CCNT1: variants seen among roughly 807,000 people sequenced by gnomAD.
CCNT1 encodes cyclin-T1.
A neutral mutation model predicts 67.3 loss-of-function variants in CCNT1; 18 were observed. The ratio of observed to expected loss-of-function variants is 0.27; its 90% CI spans 0.18 to 0.40. The LOEUF is 0.40. Ranked by LOEUF, CCNT1 falls within the 10% of genes least tolerant of loss-of-function variation. The probability of loss-of-function intolerance (pLI) is 1.00; values close to 1 mark genes in which losing one functional copy is unlikely to be tolerated. For missense variants in CCNT1, 744 were observed against 884.9 expected, an observed-to-expected ratio of 0.84 and a Z score of 2.02; for synonymous variants, 333 against 310.3, an observed-to-expected ratio of 1.07 and a Z score of -0.77.
At chr12:48,704,851 T>C (rs916953788) in intron 3 of CCNT1, among the ~76,000 whole-genome samples, 9 of 152,140 alleles carry the variant, frequency 5.9e-5, no homozygotes, top group African/African-American at 2.2e-4. Flanking sequence ...TTCTACGTTA[T>C]GGTGAGTTAC....
intron 2 of CCNT1, among the ~76,000 whole-genome samples, chr12:48,712,871 C>T (rs1393379411): frequency 2.6e-5 from 4 of 151,474 alleles, no homozygotes; most frequent in East Asian, 3.9e-4. Context: ...ATCTGCGAGG[C>T]GGAGGTTGCA....
intron 2 of CCNT1, among the ~76,000 whole-genome samples, chr12:48,707,150 G>A (rs1240061428): frequency 6.6e-6 from 1 of 152,020 alleles, no homozygotes; most frequent in Non-Finnish European, 1.5e-5. Context: ...CAGACTTTAG[G>A]ATAAACAAAA....
intron 2 of CCNT1, among the ~76,000 whole-genome samples, chr12:48,712,613 A>AAAAAAAAAC: frequency 8.5e-6 from 1 of 118,060 alleles, no homozygotes; most frequent in Non-Finnish European, 1.8e-5. Flanking sequence ...AAAAAAAAAA[A>AAAAAAAAAC]AAAAAGCAGG....
intron 6 of CCNT1, among the ~76,000 whole-genome samples, 168 bp from the exon 7 acceptor site, chr12:48,696,330 A>G (rs1258126663): frequency 6.6e-6 from 1 of 151,614 alleles, no homozygotes; most frequent in East Asian, 1.9e-4. Context: ...TCTAGCACTC[A>G]ATATAATTTC....
chr12:48,694,037 G>C lies in CCNT1; in HGVS notation c.1177C>G (p.Arg393Gly). The C allele has an allele frequency of 6.2e-7, 1 of 1,614,076 alleles. No homozygotes were observed. Among genetic ancestry groups the C allele is most frequent in the Non-Finnish European group, 8.5e-7 (1 of 1,180,010 alleles). The change falls in exon 9 of 9, where the codon CGC becomes GGC. Residue 393 changes from arginine to glycine, a missense_variant. This residue lies in a region of CCNT1 where 564 missense variants were observed against 574.2 expected (regional missense o/e 0.98). Coordinates refer to ENST00000261900, the MANE Select transcript of CCNT1 (RefSeq NM_001240.4). ...GCCAATTCTTCTGCATGCTTCGCGC[G>C]GTATTCTTTCAGTGACACTTTAGCT... ...PSAKVSLKEY[R>G]AKHAEELAAQ...
chr12:48,708,998 GC>G (rs1940407738), intron 2 of CCNT1, among the ~76,000 whole-genome samples: 1 of 152,148 alleles, frequency 6.6e-6, no homozygotes, highest in Non-Finnish European at 1.5e-5. Flanking sequence ...GATCACTTGA[GC>G]CCAGGACATG....
At chr12:48,701,663 A>G (rs1292531992) in intron 3 of CCNT1, among the ~76,000 whole-genome samples, 1 of 151,282 alleles carries the variant, frequency 6.6e-6, no homozygotes, top group Non-Finnish European at 1.5e-5. Flanking sequence ...GCTGGAGTGC[A>G]ATGGCACAAT....
chr12:48,701,942 G>A (rs1420695666), intron 3 of CCNT1, among the ~76,000 whole-genome samples: 1 of 150,142 alleles, frequency 6.7e-6, no homozygotes, highest in African/African-American at 2.5e-5. Flanking sequence ...TGCTGCTCAG[G>A]CTGGAGTGCA....
chr12:48,693,759 T>C lies in CCNT1; in HGVS notation c.1455A>G (p.Lys485=), dbSNP rs1359607565. Residue 485 remains lysine, a synonymous_variant, in exon 9 of 9, where the codon AAA becomes AAG. Coordinates refer to ENST00000261900, the MANE Select transcript of CCNT1 (RefSeq NM_001240.4). ...TGTGCTTATCAGCTGCAGCATGGAC[T>C]TTTATGCGCATTTTTATCTCCTCTG... ...SKPEEIKMRI[K]VHAAADKHNS... is the part of the protein sequence containing the mutation. 6.2e-7 allele frequency: 1 copy of C among 1,614,142 alleles called. No individual in the cohort carries two copies. The highest frequency in any genetic ancestry group is 1.7e-5 in the Admixed American group (1 of 60,010).
In CCNT1 at chr12:48,716,612, T is replaced by A. The variant is rs772443903; in HGVS notation, c.64A>T (p.Ser22Cys). 1 of 1,614,268 alleles carries A rather than the reference T, an allele frequency of 6.2e-7. No individual in the cohort carries two copies. Among genetic ancestry groups the A allele is most frequent in the South Asian group, 1.1e-5 (1 of 91,088 alleles). Residue 22 changes from serine to cysteine, a missense_variant, in exon 1 of 9, where the codon AGC becomes TGC. By Grantham distance (112) the Ser-to-Cys change is moderately radical. This residue lies in a region of CCNT1 where 38 missense variants were observed against 33.7 expected (regional missense o/e 1.13). Coordinates refer to ENST00000261900, the MANE Select transcript of CCNT1 (RefSeq NM_001240.4). ...WYFTREQLEN[S>C]PSRRFGVDPD... ...TCCACGCCAAAACGACGGGATGGGC[T>A]ATTTTCCAGCTGTTCTCGAGTGAAA...
Position 48,693,806 on chromosome 12 carries a change from C to T in CCNT1, c.1408G>A (p.Asp470Asn), listed in dbSNP as rs752564300. 1 of 1,614,036 alleles carries T rather than the reference C, an allele frequency of 6.2e-7. No homozygotes were observed. Among genetic ancestry groups the T allele is most frequent in the Non-Finnish European group, 8.5e-7 (1 of 1,179,970 alleles). Residue 470 changes from aspartate to asparagine, a missense_variant, in exon 9 of 9, where the codon GAT (aspartate) becomes AAT (asparagine). This residue lies in a region of CCNT1 where 564 missense variants were observed against 574.2 expected (regional missense o/e 0.98). Coordinates refer to ENST00000261900, the MANE Select transcript of CCNT1 (RefSeq NM_001240.4). ...LKMRIPVAGG[D>N]KAASSKPEEI... ...TCTGGTTTTGAAGACGCAGCTTTAT[C>T]TCCACCTGCCACTGGGATTCTCATT...
At chr12:48,697,850 A>AT (rs1565616808) in intron 6 of CCNT1, 15 of 97,442 alleles carry the variant, frequency 1.5e-4, no homozygotes, top group African/African-American at 3.3e-4. Context: ...AAAAAAAAAA[A>AT]AAAAAATATA....
Position 48,693,618 on chromosome 12 carries a change from T to C in CCNT1, c.1596A>G (p.Gln532=), listed in dbSNP as rs1173115408. The C allele has an allele frequency of 1.9e-6, 3 of 1,614,134 alleles. No homozygotes were observed. Among genetic ancestry groups the C allele is most frequent in the Non-Finnish European group, 2.5e-6 (3 of 1,180,020 alleles). ...GTTTGTTCCCAGTACCAACTGGAAG[T>C]TGGGAATGAGAGTGCTTGTGTGAGT... The part of the protein sequence containing the change: ...NHHSHKHSHS[Q]LPVGTGNKRP... The change falls in exon 9 of 9, where the codon CAA becomes CAG. Residue 532 remains glutamine, a synonymous_variant. Transcript: ENST00000261900.
Position 48,694,261 on chromosome 12 carries a change from T to G in CCNT1, c.953A>C (p.Glu318Ala). ...SAVPSLPVSE[E>A]SSSNLTSVEM... ...CACACTGGTTAAGTTGCTGGATGAC[T>G]CTTCGGAGACTGGCAGGGAAGGCAC... is the stretch of plus-strand genomic sequence containing the variant. Residue 318 changes from glutamate (E) to alanine (A), a missense_variant, in exon 9 of 9, where the codon GAG (glutamate) becomes GCG (alanine). Glu to Ala is a moderately radical substitution (Grantham distance 107). Transcript: ENST00000261900. The G allele has an allele frequency of 1.2e-6, 2 of 1,614,226 alleles. No homozygotes were observed. Among genetic ancestry groups the G allele is most frequent in the Non-Finnish European group, 1.7e-6 (2 of 1,180,046 alleles).
chr12:48,693,950 C>A lies in CCNT1; in HGVS notation c.1264G>T (p.Ala422Ser). 2 of 1,614,132 alleles carry A rather than the reference C, an allele frequency of 1.2e-6. No individual in the cohort carries two copies. The highest frequency in any genetic ancestry group is 1.7e-6 in the Non-Finnish European group (2 of 1,180,026). ...TCATGATGAGAAAGGAGATTCTGGGCAGCATATGCATATTGTGACTTCACA... is the reference window on the plus strand; with the variant it reads ...TCATGATGAGAAAGGAGATTCTGGGAAGCATATGCATATTGTGACTTCACA... ...ANVKSQYAYA[A>S]QNLLSHHDSH... Residue 422 changes from alanine (A) to serine (S), a missense_variant, in exon 9 of 9, where the codon GCC (alanine) becomes TCC (serine). By Grantham distance (99) the Ala-to-Ser change is moderately conservative. This residue lies in a region of CCNT1 where 564 missense variants were observed against 574.2 expected (regional missense o/e 0.98). Transcript: ENST00000261900.
intron 4 of CCNT1, among the ~76,000 whole-genome samples, chr12:48,700,077 T>G (rs1223705079): frequency 6.6e-6 from 1 of 152,028 alleles, no homozygotes; most frequent in Non-Finnish European, 1.5e-5. Context: ...CCCAGCACTT[T>G]GGGAGGCCGA....
At position 48,694,135 on chromosome 12, in the gene CCNT1, A is replaced by G. The variant is rs751970461; in HGVS notation, c.1079T>C (p.Val360Ala). 5 of 1,613,974 alleles carry G rather than the reference A, an allele frequency of 3.1e-6. No homozygotes were observed. The African/African-American group carries it at 5.3e-5, about 17-fold the overall frequency. Residue 360 changes from valine to alanine, a missense_variant, in exon 9 of 9, where the codon GTT becomes GCT. Val to Ala is a moderately conservative substitution (Grantham distance 64). This residue lies in a region of CCNT1 where 564 missense variants were observed against 574.2 expected (regional missense o/e 0.98). Transcript: ENST00000261900. Reference sequence around the variant, plus strand: ...ACCATCCTGTGGTAAGGAATGATCAACTCCTGTAAGTGCTAAATTCTCACT... The same window carrying G: ...ACCATCCTGTGGTAAGGAATGATCAGCTCCTGTAAGTGCTAAATTCTCACT... ...RTSENLALTG[V>A]DHSLPQDGSN...
intron 6 of CCNT1, among the ~76,000 whole-genome samples, chr12:48,696,790 T>C (rs1402615466): frequency 6.6e-6 from 1 of 152,228 alleles, no homozygotes; most frequent in Non-Finnish European, 1.5e-5. Flanking sequence ...TTCCATTAAC[T>C]AACAATGTTG....
At chr12:48,694,905 A>T (rs1940144642) in intron 8 of CCNT1, among the ~76,000 whole-genome samples, 1 of 152,178 alleles carries the variant, frequency 6.6e-6, no homozygotes, top group Admixed American at 6.5e-5. Flanking sequence ...GCTCACTGCA[A>T]CCTAACGTCC....
Sources: allele counts gnomAD v4.1 joint callset (sites outside exome capture counted in the v4.1 genomes callset), GRCh38; gene constraint gnomAD v4.1.1; regional missense constraint gnomAD v4.1.1; transcripts MANE v1.5; gene names NCBI Gene and HGNC (gene_info 2026-07-23, HGNC 2026-07-21).